Variants in PCGF3 observed in about 807,000 individuals in gnomAD.
PCGF3 encodes the protein polycomb group RING finger protein 3.
In PCGF3, 7 loss-of-function variants were observed where a neutral mutation model predicts 33.1. The observed-to-expected ratio is 0.21, with a 90% CI of 0.12 to 0.40. The LOEUF is 0.40. Ranked by LOEUF, PCGF3 falls within the 10% of genes least tolerant of loss-of-function variation. The pLI is 1.00. For synonymous variants in PCGF3, 153 were observed against 121.3 expected (o/e 1.26, Z -1.72); for missense variants, 211 against 313.3 (o/e 0.67, Z 2.46).
chr4:756,090 T>A (rs1744757379), intron 8 of PCGF3, among the ~76,000 whole-genome samples: 1 of 151,810 alleles, frequency 6.6e-6, no homozygotes, highest in African/African-American at 2.4e-5. Flanking sequence ...ATTTTTTGTA[T>A]TTTTAGTAGA....
intron 6 of PCGF3, among the ~76,000 whole-genome samples, chr4:742,004 C>T (rs911598282): frequency 6.6e-6 from 1 of 152,156 alleles, no homozygotes; most frequent in South Asian, 2.1e-4. Context: ...GAAACATTTT[C>T]TTTCAAGCTG....
chr4:758,665 C>T (rs1428273700), intron 8 of PCGF3, among the ~76,000 whole-genome samples: 31 of 102,974 alleles, frequency 3.0e-4, no homozygotes, highest in Non-Finnish European at 4.1e-4. Context: ...TTCCGGACTC[C>T]AGGTCTTTCT....
chr4:717,327 G>C (rs1179198175), intron 1 of PCGF3, among the ~76,000 whole-genome samples: 1 of 151,508 alleles, frequency 6.6e-6, no homozygotes, highest in Non-Finnish European at 1.5e-5. Context: ...CTGGGACCCT[G>C]TAGACACTGA....
chr4:751,360 A>T (rs1241408811), intron 8 of PCGF3, among the ~76,000 whole-genome samples: 1 of 152,096 alleles, frequency 6.6e-6, no homozygotes, highest in Non-Finnish European at 1.5e-5. Context: ...ATGCGACGTT[A>T]TAGTTATTTA....
intron 8 of PCGF3, among the ~76,000 whole-genome samples, chr4:748,351 C>T (rs760236244): frequency 2.6e-5 from 4 of 152,098 alleles, no homozygotes; most frequent in African/African-American, 4.8e-5. Flanking sequence ...AGGCACCTGC[C>T]GCTCCGTCTG....
intron 4 of PCGF3, chr4:734,672 T>G: frequency 7.7e-7 from 1 of 1,297,294 alleles, no homozygotes; most frequent in Non-Finnish European, 9.8e-7. Flanking sequence ...CATCTCCCCA[T>G]TCTAAGTTTT....
Position 721,387 on chromosome 4 carries a change from G to C in PCGF3, c.-189-9243G>C, listed in dbSNP as rs1332848704. On this transcript the variant is annotated intron_variant, in intron 1 of 10. Coordinates refer to ENST00000362003, the Ensembl canonical transcript of PCGF3. This position sits in a 1 kb window ranked among gnomAD's most constrained non-coding sequence, Gnocchi z 4.1. ...GAAAATGTGCCCCAGGCATGGGCTT[G>C]TGATGCCGGCTCTTCCTCCTGGCAG... Among the ~76,000 whole-genome samples the C allele has an allele frequency of 6.6e-6, 1 of 152,186 alleles. No homozygotes were observed. The highest frequency in any genetic ancestry group is 1.5e-5 in the Non-Finnish European group (1 of 68,044).
At chr4:751,128 C>T (rs1744492761) in intron 8 of PCGF3, among the ~76,000 whole-genome samples, 1 of 152,032 alleles carries the variant, frequency 6.6e-6, no homozygotes, top group Admixed American at 6.6e-5. Flanking sequence ...GGGAATTTTG[C>T]ATTCTCTTTC....
chr4:728,930 T>C (rs1000681542), intron 1 of PCGF3, among the ~76,000 whole-genome samples: 39 of 151,702 alleles, frequency 2.6e-4, no homozygotes, highest in African/African-American at 9.5e-4. Context: ...TGAAACCCCA[T>C]CTCTACTAAA....
chr4:762,296 C>T (rs997902743), intron 9 of PCGF3: 1 of 193,658 alleles, frequency 5.2e-6, no homozygotes, highest in African/African-American at 2.4e-5. Context: ...GACAGGAGGC[C>T]CTGGTGAGGA....
intron 1 of PCGF3, among the ~76,000 whole-genome samples, chr4:727,226 C>T (rs1291428587): frequency 7.0e-5 from 9 of 128,142 alleles, no homozygotes; most frequent in Admixed American, 4.9e-4. Flanking sequence ...TGTGTGTTAG[C>T]GAGCGTCTTT....
chr4:718,477 T>G (rs1742948683), intron 1 of PCGF3, among the ~76,000 whole-genome samples: 1 of 152,168 alleles, frequency 6.6e-6, no homozygotes, highest in East Asian at 1.9e-4. Context: ...AATATTTGTA[T>G]AAACACTTAA....
At chr4:758,249 C>G (rs1744863396) in intron 8 of PCGF3, among the ~76,000 whole-genome samples, 1 of 151,804 alleles carries the variant, frequency 6.6e-6, no homozygotes, top group Admixed American at 6.6e-5. Flanking sequence ...CACCGCGGCT[C>G]TCACCGGGCA....
At chr4:757,943 C>T (rs1292958548) in intron 8 of PCGF3, among the ~76,000 whole-genome samples, 2 of 152,006 alleles carry the variant, frequency 1.3e-5, no homozygotes, top group Non-Finnish European at 2.9e-5. Context: ...CCGAGGTGGG[C>T]AGATCACGAG....
intron 8 of PCGF3, among the ~76,000 whole-genome samples, chr4:751,156 C>T (rs1233661491): frequency 1.3e-5 from 2 of 152,066 alleles, no homozygotes; most frequent in African/African-American, 2.4e-5. Context: ...CTTGTGGCTG[C>T]CCTTAAACTT....
intron 9 of PCGF3, 167 bp from the exon 10 acceptor site, chr4:764,817 G>A (rs1745272273): frequency 3.4e-6 from 2 of 591,572 alleles, no homozygotes; most frequent in Non-Finnish European, 6.1e-6. Context: ...TCTCTAGGCT[G>A]TGAGGTAGGG....
rs570528684 is a variant in PCGF3, at chr4:755,904, CTTTTTTTTTTT to C, written c.463-5357_463-5347del. Among the ~76,000 whole-genome samples the C allele has an allele frequency of 1.3e-4, 11 of 87,178 alleles. No individual in the cohort carries two copies. The South Asian group carries it at 1.8e-3, about 14-fold the overall frequency. 57.2% of individuals were successfully genotyped at this position (87,178 alleles called of 152,430 possible). On this transcript the variant is annotated intron_variant, in intron 8 of 10. Coordinates refer to ENST00000362003, the Ensembl canonical transcript of PCGF3. The stretch of plus-strand genomic sequence containing the variant: ...CTCATTTTTCTTCTTCAGAATTGTC[CTTTTTTTTTTT>C]TTTTTTTTTTTTTTTTTGGAGATGG...
exon 10 of PCGF3, chr4:765,002 G>A (rs747454523): frequency 3.7e-6 from 6 of 1,613,770 alleles, no homozygotes; most frequent in South Asian, 1.1e-5. Context: ...TTTATGCAAC[G>A]AGGAGATCCT....
chr4:743,512 G>A (rs1351009952), exon 7 of PCGF3: 25 of 1,613,530 alleles, frequency 1.5e-5, no homozygotes, highest in Non-Finnish European at 1.9e-5. Context: ...TCACAAATTG[G>A]GCATGGAGGT....
Sources: allele counts gnomAD v4.1 joint callset (sites outside exome capture counted in the v4.1 genomes callset), GRCh38; gene constraint gnomAD v4.1.1; non-coding constraint Gnocchi (gnomAD v3.1); transcripts MANE v1.5; gene names NCBI Gene and HGNC (gene_info 2026-07-23, HGNC 2026-07-21).